The following SLC5A11 variants were observed in gnomAD, a reference collection of about 807,000 sequenced individuals.
SLC5A11 encodes the protein solute carrier family 5 member 11.
Under a neutral mutation model 69.8 loss-of-function variants are expected in SLC5A11, and 48 were observed. The observed-to-expected ratio is 0.69, with a 90% confidence interval of 0.55 to 0.87. The LOEUF is 0.87. Among genes scored for constraint, SLC5A11 ranks in the 40% least tolerant of loss-of-function variants. The probability of loss-of-function intolerance (pLI) is 0.00; values close to 1 mark genes in which losing one functional copy is unlikely to be tolerated. For synonymous variants in SLC5A11, 319 were observed against 342.4 expected, an observed-to-expected ratio of 0.93 and a Z score of 0.75; for missense variants, 784 against 866.1, an observed-to-expected ratio of 0.91 and a Z score of 1.19.
chr16:24,850,696 T>G (rs1395542473), intron 1 of SLC5A11, among the ~76,000 whole-genome samples: 1 of 152,220 alleles, frequency 6.6e-6, no homozygotes, highest in African/African-American at 2.4e-5. Context: ...GGCCTCAGCT[T>G]TGTTTTCCTC....
chr16:24,868,613 A>G (rs1056174451), intron 3 of SLC5A11, among the ~76,000 whole-genome samples: 18 of 144,440 alleles, frequency 1.2e-4, no homozygotes, highest in Non-Finnish European at 2.0e-4. Context: ...AAAAAAAAAG[A>G]GACTCACACT....
intron 6 of SLC5A11, 32 bp downstream of exon 7, chr16:24,875,763 T>A: frequency 6.5e-7 from 1 of 1,548,172 alleles, no homozygotes; most frequent in Non-Finnish European, 8.9e-7. Flanking sequence ...GCCTCACCCA[T>A]GCAGCATGGG....
At chr16:24,892,964 C>G (rs1567663583) in intron 9 of SLC5A11, among the ~76,000 whole-genome samples, 1 of 152,042 alleles carries the variant, frequency 6.6e-6, no homozygotes, top group East Asian at 1.9e-4. Flanking sequence ...GGGCTAACAT[C>G]ATGGGCTTTA....
chr16:24,893,014 T>C (rs1287642750), intron 9 of SLC5A11, among the ~76,000 whole-genome samples: 1 of 149,828 alleles, frequency 6.7e-6, no homozygotes, highest in African/African-American at 2.5e-5. Context: ...CTCATGCCTG[T>C]AATCCCAACA....
At chr16:24,902,664 C>T (rs1175535579) in intron 10 of SLC5A11, among the ~76,000 whole-genome samples, 1 of 151,596 alleles carries the variant, frequency 6.6e-6, no homozygotes, top group Non-Finnish European at 1.5e-5. Flanking sequence ...TCTCCTGCCT[C>T]AGCCTCCTGG....
chr16:24,869,408 T>TGAGACCAGG (rs1434836170), intron 3 of SLC5A11, among the ~76,000 whole-genome samples: 1 of 152,134 alleles, frequency 6.6e-6, no homozygotes, highest in Non-Finnish European at 1.5e-5. Context: ...CCCAATCAGT[T>TGAGACCAGG]GAGACCAGGG....
chr16:24,853,177 G>T (rs60858744), intron 1 of SLC5A11, among the ~76,000 whole-genome samples: 1 of 136,954 alleles, frequency 7.3e-6, no homozygotes, highest in South Asian at 2.4e-4. Flanking sequence ...AATGTTTGTT[G>T]CACTCAGTCC....
chr16:24,865,078 A>C (rs2046837426), intron 3 of SLC5A11, among the ~76,000 whole-genome samples: 1 of 152,232 alleles, frequency 6.6e-6, no homozygotes, highest in African/African-American at 2.4e-5. Flanking sequence ...AGGGGCAGAA[A>C]GAATAATAAA....
At chr16:24,850,210 A>G (rs577065290) in intron 1 of SLC5A11, among the ~76,000 whole-genome samples, 2 of 152,290 alleles carry the variant, frequency 1.3e-5, no homozygotes, top group South Asian at 4.1e-4. Context: ...TTGACCCCCC[A>G]GAATGCTGGG....
chr16:24,895,319 T>C (rs1159036948), intron 9 of SLC5A11, among the ~76,000 whole-genome samples: 1 of 151,172 alleles, frequency 6.6e-6, no homozygotes, highest in Non-Finnish European at 1.5e-5. Context: ...TGAAACCCCA[T>C]CTCTACTAAA....
chr16:24,858,768 T>C (rs1484501347), exon 2 of SLC5A11: 1 of 1,611,708 alleles, frequency 6.2e-7, no homozygotes, highest in African/African-American at 1.3e-5. Flanking sequence ...GTCCTGGCTG[T>C]TGGACTATGG....
At chr16:24,901,492 A>G (rs2880667) in intron 10 of SLC5A11, among the ~76,000 whole-genome samples, 61,223 of 151,754 alleles carry the variant, frequency 0.4, 13,092 homozygotes, top group Non-Finnish European at 0.49. Context: ...GCATGTGCTT[A>G]TAGTCCCAGC....
intron 10 of SLC5A11, among the ~76,000 whole-genome samples, chr16:24,903,093 C>A (rs939917828): frequency 2.6e-5 from 4 of 152,072 alleles, no homozygotes; most frequent in South Asian, 2.1e-4. Context: ...GAGTGTGGTC[C>A]CCAGCCCAGC....
At chr16:24,872,036 A>G in intron 4 of SLC5A11, 124 bp from the exon 6 acceptor site, 1 of 1,062,160 alleles carries the variant, frequency 9.4e-7, no homozygotes, top group Non-Finnish European at 1.5e-6. Context: ...TGAACCACTC[A>G]GCGAGTAAGA....
intron 8 of SLC5A11, among the ~76,000 whole-genome samples, chr16:24,887,181 A>G (rs1024745011): frequency 6.6e-6 from 1 of 152,298 alleles, no homozygotes; most frequent in East Asian, 1.9e-4. Context: ...TGAACCATGC[A>G]AAGACTTAGT....
chr16:24,907,763 G>A (rs556534522), intron 12 of SLC5A11, among the ~76,000 whole-genome samples, 200 bp from the exon 14 acceptor site: 1 of 152,162 alleles, frequency 6.6e-6, no homozygotes, highest in South Asian at 2.1e-4. Context: ...GCATGTGTCT[G>A]TAATCCCACC....
At chr16:24,882,809 C>G (rs2048130921) in intron 7 of SLC5A11, among the ~76,000 whole-genome samples, 1 of 152,154 alleles carries the variant, frequency 6.6e-6, no homozygotes, top group South Asian at 2.1e-4. Context: ...TCACACCTGG[C>G]TAATTTTTGT....
intron 7 of SLC5A11, among the ~76,000 whole-genome samples, chr16:24,879,025 A>C (rs1031055468): frequency 7.2e-5 from 11 of 152,106 alleles, no homozygotes; most frequent in African/African-American, 2.7e-4. Flanking sequence ...ACAGAGTGGG[A>C]CTCTGTCTCA....
Position 24,910,482 on chromosome 16 carries a change from G to A in SLC5A11, c.1822+5G>A. ...ACACGTCTAAAACCCACAGCTGTGA[G>A]TAGCTTCTCTCCTCAGTTACAGCAA... On this transcript the variant is annotated splice_donor_5th_base_variant and intron_variant, in intron 15 of 15. Coordinates refer to ENST00000347898, the Ensembl canonical transcript of SLC5A11. 6.2e-7 allele frequency: 1 copy of A among 1,613,706 alleles called. No individual in the cohort carries two copies. The highest frequency in any genetic ancestry group is 1.1e-5 in the South Asian group (1 of 91,036).
Sources: allele counts gnomAD v4.1 joint callset (sites outside exome capture counted in the v4.1 genomes callset), GRCh38; gene constraint gnomAD v4.1.1; transcripts MANE v1.5; gene names NCBI Gene and HGNC (gene_info 2026-07-23, HGNC 2026-07-21).